Variants in BCAS3 observed in about 807,000 individuals in gnomAD.
BCAS3 encodes BCAS4/BCAS3 fusion.
A neutral mutation model predicts 116.1 loss-of-function variants in BCAS3; 53 were observed. The ratio of observed to expected loss-of-function variants is 0.46; its 90% CI spans 0.37 to 0.57. The LOEUF (loss-of-function observed/expected upper bound fraction) is 0.57, where lower values mean the gene tolerates loss of function less well. BCAS3 is among the 20% of genes least tolerant of loss of function. The pLI, the probability that BCAS3 is intolerant of heterozygous loss-of-function variation, is 0.00. For synonymous variants in BCAS3, 391 were observed against 408.2 expected (o/e 0.96, Z 0.51); for missense variants, 917 against 1,165.4 (o/e 0.79, Z 3.10).
At chr17:61,297,898 A>G (rs1363493350) in intron 22 of BCAS3, among the ~76,000 whole-genome samples, 1 of 151,712 alleles carries the variant, frequency 6.6e-6, no homozygotes, top group African/African-American at 2.4e-5. Flanking sequence ...CCCTAAAAAG[A>G]CTGTTTCCAA....
intron 8 of BCAS3, among the ~76,000 whole-genome samples, chr17:60,870,006 C>A (rs1449773357): frequency 1.3e-5 from 2 of 152,154 alleles, no homozygotes; most frequent in Non-Finnish European, 1.5e-5. Context: ...AAGAGGAAAT[C>A]AAAACTGTAA....
Position 61,388,498 on chromosome 17 carries a change from C to T in BCAS3, c.2594-3479C>T, listed in dbSNP as rs1005599290. 1.1e-6 allele frequency: 1 copy of T among 888,860 alleles called. No individual in the cohort carries two copies. Among genetic ancestry groups the T allele is most frequent in the Non-Finnish European group, 1.7e-6 (1 of 589,374 alleles). 55.1% of individuals were successfully genotyped at this position (888,860 alleles called of 1,614,324 possible). ...CCTCCTTGACTGCAAACTCCCCCTC[C>T]TCACGGTGTGCCCCTGCGCCTCCTG... On this transcript the variant is annotated intron_variant, in intron 23 of 23. Transcript: ENST00000407086. The surrounding 1 kb of genome is among the most constrained non-coding windows in gnomAD (Gnocchi z 6.5).
rs1282602811 is a variant in BCAS3, at chr17:61,018,743, C to T, written c.1637+2842C>T. 2.6e-5 allele frequency among the ~76,000 whole-genome samples: 4 copies of T among 152,132 alleles called. No individual in the cohort carries two copies. In the East Asian group the frequency reaches 7.7e-4, roughly 29 times the overall value. On this transcript the variant is annotated intron_variant, in intron 16 of 23. Transcript: ENST00000407086. ...TTACGTTTTTGCAGCCTTAATATAC[C>T]CTTATCCCTACATACTTCAATGTGT...
chr17:60,867,540 A>G (rs1000923715), intron 7 of BCAS3, among the ~76,000 whole-genome samples: 1 of 152,216 alleles, frequency 6.6e-6, no homozygotes, highest in Non-Finnish European at 1.5e-5. Context: ...AAATTTTACT[A>G]ATTGTTTCTC....
rs190805506 is a variant in BCAS3 at position 61,326,077 on chromosome 17, G to A, written c.2426-42250G>A. 6.6e-6 allele frequency among the ~76,000 whole-genome samples: 1 copy of A among 152,358 alleles called. No homozygotes were observed. Among genetic ancestry groups the A allele is most frequent in the East Asian group, 1.9e-4 (1 of 5,192 alleles). Reference sequence around the variant, plus strand: ...AAATGCGCACTGCCCGGACACAGTGGAGCTTGTGAAGTTTGTGGTCTAGGA... The same window carrying A: ...AAATGCGCACTGCCCGGACACAGTGAAGCTTGTGAAGTTTGTGGTCTAGGA... On this transcript the variant is annotated intron_variant, in intron 22 of 23. Transcript: ENST00000407086. This position sits in a 1 kb window ranked among gnomAD's most constrained non-coding sequence, Gnocchi z 5.3.
chr17:61,279,371 C>G lies in BCAS3; in HGVS notation c.2426-88956C>G, dbSNP rs1457206039. On this transcript the variant is annotated intron_variant, in intron 22 of 23. Transcript: ENST00000407086. The surrounding 1 kb of genome is among the most constrained non-coding windows in gnomAD (Gnocchi z 4.4). ...GAACAGAAGCTCTCGCTTCTTTCTT[C>G]TCTTTCCATCAGTCAGTGATGCCCT... Among the ~76,000 whole-genome samples the G allele has an allele frequency of 6.6e-6, 1 of 152,052 alleles. No individual in the cohort carries two copies. The highest frequency in any genetic ancestry group is 1.5e-5 in the Non-Finnish European group (1 of 68,016).
Position 61,037,110 on chromosome 17 carries a change from G to C in BCAS3, c.1763-779G>C, listed in dbSNP as rs1250560346. Reference sequence around the variant, plus strand: ...TGTTTGTTTTGATCCACAAATTTAAGTTCTAAATTTAAGTCTTCTGAGAAA... The same window carrying C: ...TGTTTGTTTTGATCCACAAATTTAACTTCTAAATTTAAGTCTTCTGAGAAA... On this transcript the variant is annotated intron_variant, in intron 17 of 23. Coordinates refer to ENST00000407086, the MANE Select transcript of BCAS3 (RefSeq NM_017679.5). This position sits in a 1 kb window ranked among gnomAD's most constrained non-coding sequence, Gnocchi z 4.7. Among the ~76,000 whole-genome samples, 3 of 151,990 alleles carry C rather than the reference G, an allele frequency of 2.0e-5. No individual in the cohort carries two copies. The highest frequency in any genetic ancestry group is 2.9e-5 in the Non-Finnish European group (2 of 67,986).
intron 23 of BCAS3, among the ~76,000 whole-genome samples, chr17:61,385,003 C>T (rs557017844): frequency 6.6e-6 from 1 of 152,290 alleles, no homozygotes; most frequent in South Asian, 2.1e-4. Context: ...TTAACTGCTG[C>T]ACTTTTCACC....
chr17:61,382,656 C>CA (rs558574098), intron 23 of BCAS3: 137 of 136,990 alleles, frequency 1.0e-3, no homozygotes, highest in Non-Finnish European at 1.4e-3. Flanking sequence ...ACCCTGCCTC[C>CA]AAAAAAAAAA....
intron 6 of BCAS3, among the ~76,000 whole-genome samples, chr17:60,774,951 T>C (rs1247364849): frequency 1.3e-5 from 2 of 152,258 alleles, no homozygotes; most frequent in Non-Finnish European, 2.9e-5. Flanking sequence ...AGGGTAAATC[T>C]GATCTGCTGC....
intron 7 of BCAS3, among the ~76,000 whole-genome samples, chr17:60,842,898 G>A (rs913646569): frequency 1.3e-4 from 19 of 150,614 alleles, no homozygotes; most frequent in African/African-American, 4.6e-4. Context: ...TATAGACAGG[G>A]TCTTGCTCTG....
At position 61,219,815 on chromosome 17, in the gene BCAS3, A is replaced by C. The variant is rs1256146367; in HGVS notation, c.2425+135251A>C. On this transcript the variant is annotated intron_variant, in intron 22 of 23. Coordinates refer to ENST00000407086, the MANE Select transcript of BCAS3 (RefSeq NM_017679.5). This position sits in a 1 kb window ranked among gnomAD's most constrained non-coding sequence, Gnocchi z 5.2. Reference sequence around the variant, plus strand: ...TGAGCAGTACTAGGACTTGAATTCCAGAGATGAGATTGTGTAACATAAAAA... The same window carrying C: ...TGAGCAGTACTAGGACTTGAATTCCCGAGATGAGATTGTGTAACATAAAAA... 6.6e-6 allele frequency among the ~76,000 whole-genome samples: 1 copy of C among 152,158 alleles called. No homozygotes were observed. Among genetic ancestry groups the C allele is most frequent in the African/African-American group, 2.4e-5 (1 of 41,420 alleles).
At chr17:61,185,073 G>A (rs1381274271) in intron 22 of BCAS3, among the ~76,000 whole-genome samples, 1 of 151,434 alleles carries the variant, frequency 6.6e-6, no homozygotes, top group African/African-American at 2.4e-5. Flanking sequence ...ACTTAAAATG[G>A]GTGAGTTTAA....
At chr17:61,176,478 A>G (rs867772566) in intron 22 of BCAS3, among the ~76,000 whole-genome samples, 1 of 151,022 alleles carries the variant, frequency 6.6e-6, no homozygotes, top group East Asian at 1.9e-4. Flanking sequence ...CTGTCCCCCC[A>G]TTGTCAGTGA....
rs75917096 is a variant in BCAS3 at position 60,722,188 on chromosome 17, T to C, written c.321+12863T>C. 9.6e-3 allele frequency among the ~76,000 whole-genome samples: 1,463 copies of C among 152,326 alleles called. 31 individuals are homozygous for C. The highest frequency in any genetic ancestry group is 0.033 in the African/African-American group (1,361 of 41,580). On this transcript the variant is annotated intron_variant, in intron 5 of 23. Transcript: ENST00000407086. ...CTTATATATGGTAATTTTTCATGGA[T>C]GTAAACAAAAAATGGTAATTTTTGG...
At chr17:61,046,659 T>C (rs1034015612) in intron 19 of BCAS3, among the ~76,000 whole-genome samples, 4 of 151,960 alleles carry the variant, frequency 2.6e-5, no homozygotes, top group African/African-American at 9.7e-5. Flanking sequence ...ATCCTTTTTT[T>C]TTTCACAGAA....
chr17:60,825,068 A>G (rs1159322631), intron 7 of BCAS3, among the ~76,000 whole-genome samples: 1 of 151,512 alleles, frequency 6.6e-6, no homozygotes, highest in Non-Finnish European at 1.5e-5. Context: ...TGGGAGGCTG[A>G]GGTGGGAGGA....
chr17:61,269,147 T>A (rs1332675944), intron 22 of BCAS3, among the ~76,000 whole-genome samples: 1 of 150,876 alleles, frequency 6.6e-6, no homozygotes, highest in African/African-American at 2.4e-5. Context: ...GGAGTTTCGC[T>A]CTTGTTGCCC....
At chr17:60,802,371 C>CATACATACATATATATAT (rs1555724685) in intron 6 of BCAS3, among the ~76,000 whole-genome samples, 28 of 111,948 alleles carry the variant, frequency 2.5e-4, no homozygotes, top group African/African-American at 1.1e-3. Context: ...TACATACATA[C>CATACATACATATATATAT]ATATATATAT....
Sources: gnomAD v4.1 joint callset for allele counts (sites outside exome capture counted in the v4.1 genomes callset) on GRCh38, gnomAD v4.1.1 for gene constraint, Gnocchi (gnomAD v3.1) non-coding constraint, MANE v1.5 for transcripts, NCBI Gene and HGNC (gene_info 2026-07-23, HGNC 2026-07-21) for gene names.